Variants in MID1 observed in about 807,000 individuals in gnomAD.
MID1 encodes the protein E3 ubiquitin-protein ligase Midline-1.
In MID1, 7 loss-of-function variants were observed where a neutral mutation model predicts 40.4. The observed-to-expected ratio is 0.17, with a 90% CI of 0.10 to 0.33. The LOEUF is 0.33. MID1 is among the 10% of genes least tolerant of loss of function. MID1 has a pLI of 1.00. For missense variants in MID1, 367 were observed against 558.5 expected (o/e 0.66, Z 3.46); for synonymous variants, 229 against 221.2 (o/e 1.04, Z -0.31).
chrX:10,607,681 G>A (rs1935650166), intron 1 of MID1, among the ~76,000 whole-genome samples: 1 of 112,451 alleles, frequency 8.9e-6, no homozygotes, highest in Admixed American at 9.4e-5. Flanking sequence ...GTTGGAAAAG[G>A]GGAGAGGAAT....
intron 4 of MID1, among the ~76,000 whole-genome samples, chrX:10,494,232 A>T (rs948838426): frequency 8.9e-6 from 1 of 112,136 alleles, no homozygotes; most frequent in African/African-American, 3.2e-5. Context: ...AATATTTTGT[A>T]ATCTATATAG....
At chrX:10,514,261 T>C (rs1231121880) in intron 3 of MID1, among the ~76,000 whole-genome samples, 1 of 112,311 alleles carries the variant, frequency 8.9e-6, no homozygotes, top group African/African-American at 3.2e-5. Context: ...GTTTGGATAA[T>C]GTTTTATATA....
At chrX:10,817,773 C>A (rs2044150087) in intron 1 of MID1, among the ~76,000 whole-genome samples, 1 of 109,025 alleles carries the variant, frequency 9.2e-6, no homozygotes, top group Non-Finnish European at 1.9e-5. Flanking sequence ...GCGTGCGCCA[C>A]CACGCCTGGC....
chrX:10,758,725 T>C (rs1029932781), intron 1 of MID1, among the ~76,000 whole-genome samples: 3 of 109,509 alleles, frequency 2.7e-5, no homozygotes, highest in Non-Finnish European at 5.7e-5. Flanking sequence ...CCTGACCTCA[T>C]GATCCGCCCA....
chrX:10,797,129 T>C (rs2043972928), intron 1 of MID1, among the ~76,000 whole-genome samples: 1 of 111,621 alleles, frequency 9.0e-6, no homozygotes, highest in Admixed American at 9.5e-5. Flanking sequence ...TGACCTAATA[T>C]AAATTAATCC....
chrX:10,730,011 T>G (rs1197904001), intron 1 of MID1, among the ~76,000 whole-genome samples: 7 of 107,231 alleles, frequency 6.5e-5, no homozygotes, highest in Non-Finnish European at 1.3e-4. Context: ...GTGAACCTGG[T>G]AGGCGGAGGT....
intron 1 of MID1, among the ~76,000 whole-genome samples, chrX:10,583,766 C>T (rs1027772032): frequency 3.6e-5 from 4 of 111,695 alleles, no homozygotes; most frequent in African/African-American, 3.3e-5. Flanking sequence ...GGTACGGTGG[C>T]TCACGCCTGT....
intron 4 of MID1, among the ~76,000 whole-genome samples, chrX:10,493,757 T>C (rs1411999672): frequency 8.9e-6 from 1 of 112,161 alleles, no homozygotes; most frequent in Non-Finnish European, 1.9e-5. Context: ...AGTTATTCCA[T>C]ATTTCATCCA....
At chrX:10,623,296 GAGAA>G (rs1287233659), upstream of MID1, among the ~76,000 whole-genome samples, 7 of 85,369 alleles carry the variant, frequency 8.2e-5, no homozygotes, top group East Asian at 6.2e-4. Context: ...AAAAGAAAGA[GAGAA>G]AGAAAGAAGG....
chrX:10,568,213 G>A (rs767102991), intron 1 of MID1, among the ~76,000 whole-genome samples: 53 of 111,689 alleles, frequency 4.7e-4, no homozygotes, highest in Non-Finnish European at 9.4e-5. Flanking sequence ...ATATTCCTGA[G>A]AAAAAACATT....
chrX:10,472,539 T>C (rs73492946), intron 6 of MID1, among the ~76,000 whole-genome samples: 7,344 of 112,630 alleles, frequency 0.065, 473 homozygotes, highest in African/African-American at 0.2. Context: ...AGAATGGCCA[T>C]GTGCCTAGGC....
At chrX:10,514,890 C>T (rs963363761) in intron 3 of MID1, among the ~76,000 whole-genome samples, 1 of 111,480 alleles carries the variant, frequency 9.0e-6, no homozygotes, top group African/African-American at 3.3e-5. Context: ...TTAATGAGGC[C>T]CAGAATCTGA....
chrX:10,521,881 C>T (rs1190619736), intron 3 of MID1, among the ~76,000 whole-genome samples: 6 of 112,366 alleles, frequency 5.3e-5, no homozygotes, highest in Non-Finnish European at 1.1e-4. Flanking sequence ...ACTCTGTCGC[C>T]TAGGCTGGAG....
chrX:10,706,525 C>T (rs375346387), intron 1 of MID1, among the ~76,000 whole-genome samples: 19 of 110,499 alleles, frequency 1.7e-4, no homozygotes, highest in Admixed American at 1.4e-3. Context: ...TTTTATAAAG[C>T]GTTTTTCCCC....
chrX:10,806,640 A>T (rs1410269560), intron 1 of MID1, among the ~76,000 whole-genome samples: 1 of 112,592 alleles, frequency 8.9e-6, no homozygotes, highest in South Asian at 3.6e-4. Flanking sequence ...AACTAGAAAG[A>T]TCTATAAATC....
intron 4 of MID1, among the ~76,000 whole-genome samples, chrX:10,489,265 T>C (rs1930795399): frequency 8.9e-6 from 1 of 112,401 alleles, no homozygotes; most frequent in Admixed American, 9.4e-5. Flanking sequence ...TATTTTCTTT[T>C]ATGGATAATG....
intron 1 of MID1, chrX:10,589,866 GC>G (rs1343735629): frequency 9.1e-6 from 1 of 110,103 alleles, no homozygotes; most frequent in Non-Finnish European, 1.9e-5. Flanking sequence ...AGCAAGACAA[GC>G]CGCAGACAAA....
chrX:10,525,668 C>G (rs753685899), intron 2 of MID1, among the ~76,000 whole-genome samples: 5 of 112,310 alleles, frequency 4.5e-5, no homozygotes, highest in African/African-American at 1.6e-4. Flanking sequence ...CCAAAGAAGA[C>G]GCTCCCACAA....
At chrX:10,530,786 T>C (rs936483713) in intron 2 of MID1, among the ~76,000 whole-genome samples, 1 of 112,045 alleles carries the variant, frequency 8.9e-6, no homozygotes, top group East Asian at 2.8e-4. Flanking sequence ...CATACAGTGA[T>C]ACCCAATCAA....
Sources: gnomAD v4.1 joint callset for allele counts (sites outside exome capture counted in the v4.1 genomes callset) on GRCh38, gnomAD v4.1.1 for gene constraint, MANE v1.5 for transcripts, NCBI Gene and HGNC (gene_info 2026-07-23, HGNC 2026-07-21) for gene names.